The following HADH variants were observed in gnomAD, a reference collection of about 807,000 sequenced individuals.
The protein encoded by HADH is hydroxyacyl-coenzyme A dehydrogenase, mitochondrial.
In HADH, 24 loss-of-function variants were observed where a neutral mutation model predicts 32.2. The ratio of observed to expected loss-of-function variants is 0.75; its 90% CI spans 0.54 to 1.05. The LOEUF is 1.05. Among genes scored for constraint, HADH ranks in the 50% least tolerant of loss-of-function variants. The pLI is 0.00. For missense variants in HADH, 350 were observed against 397.1 expected (o/e 0.88, Z 1.01); for synonymous variants, 139 against 152.5 (o/e 0.91, Z 0.65).
At chr4:108,022,539 C>T (rs1735928971) in intron 4 of HADH, among the ~76,000 whole-genome samples, 1 of 152,116 alleles carries the variant, frequency 6.6e-6, no homozygotes, top group Non-Finnish European at 1.5e-5. Flanking sequence ...GCCTCTAGAG[C>T]ATCTGTGTGG....
At chr4:108,017,646 C>G (rs762206235) in intron 3 of HADH, among the ~76,000 whole-genome samples, 16 of 151,964 alleles carry the variant, frequency 1.1e-4, no homozygotes, top group Admixed American at 3.3e-4. Flanking sequence ...CCTCTGCCCC[C>G]CAGGTTCAAG....
At chr4:108,022,144 G>A (rs1251683035) in intron 4 of HADH, among the ~76,000 whole-genome samples, 3 of 147,114 alleles carry the variant, frequency 2.0e-5, no homozygotes, top group Admixed American at 6.7e-5. Flanking sequence ...TTCTTTACTG[G>A]CCTTTACATT....
intron 4 of HADH, among the ~76,000 whole-genome samples, chr4:108,022,179 G>GTA (rs1735907559): frequency 6.7e-6 from 1 of 148,682 alleles, no homozygotes; most frequent in Non-Finnish European, 1.5e-5. Context: ...GTGTGTGTGT[G>GTA]TGTGTGTGTA....
At chr4:107,995,642 A>T (rs140885988) in intron 1 of HADH, among the ~76,000 whole-genome samples, 1 of 152,332 alleles carries the variant, frequency 6.6e-6, no homozygotes, top group African/African-American at 2.4e-5. Context: ...ATTTAATTTC[A>T]TGTGACCATT....
chr4:108,032,188 A>G, intron 6 of HADH: 1 of 539,292 alleles, frequency 1.9e-6, no homozygotes. Context: ...CTAGATAGCC[A>G]CCTGTTGCAG....
At chr4:108,006,836 T>C (rs1201402976) in intron 1 of HADH, among the ~76,000 whole-genome samples, 3 of 152,302 alleles carry the variant, frequency 2.0e-5, no homozygotes, top group Admixed American at 2.0e-4. Flanking sequence ...TTACTGTGAC[T>C]TTAATTTGAT....
chr4:108,001,635 T>G (rs1228917175), intron 1 of HADH, among the ~76,000 whole-genome samples: 1 of 152,070 alleles, frequency 6.6e-6, no homozygotes, highest in Middle Eastern at 3.2e-3. Context: ...TAGTACCAAA[T>G]CCTATACATA....
chr4:108,009,964 G>GCTTT (rs1411528622), intron 2 of HADH, 77 bp downstream of exon 2: 62 of 897,732 alleles, frequency 6.9e-5, no homozygotes, highest in Middle Eastern at 2.3e-4. Flanking sequence ...GGGATTTCTG[G>GCTTT]CTTTCTTTCT....
intron 1 of HADH, chr4:108,005,266 A>C (rs1196233494): frequency 5.7e-6 from 1 of 175,618 alleles, no homozygotes; most frequent in African/African-American, 2.4e-5. Flanking sequence ...TGAATGTTTC[A>C]TCACTAACGA....
In HADH at chr4:108,008,624, A is replaced by G. The variant is rs1446714532; in HGVS notation, c.133-1135A>G. Among the ~76,000 whole-genome samples the G allele has an allele frequency of 3.3e-5, 5 of 152,146 alleles. No individual in the cohort carries two copies. The East Asian group carries it at 9.7e-4, about 29-fold the overall frequency. On this transcript the variant is annotated intron_variant, in intron 1 of 7. Coordinates refer to ENST00000309522, the MANE Select transcript of HADH (RefSeq NM_005327.7). ...ACCATGGTTTGGGACTATTTCTGTCATCTCCTTGTTCTTCTCTGGGCAAGT... is the reference window on the plus strand; with the variant it reads ...ACCATGGTTTGGGACTATTTCTGTCGTCTCCTTGTTCTTCTCTGGGCAAGT...
In HADH at chr4:108,034,233, C is replaced by T. The variant is rs1560741926; in HGVS notation, c.827-6C>T. The T allele has an allele frequency of 1.3e-6, 2 of 1,561,868 alleles. No individual in the cohort carries two copies. The highest frequency in any genetic ancestry group is 1.1e-5 in the South Asian group (1 of 89,966). ...CATCCTGAGTTCTCTTCCCTCCGCT[C>T]AATAGGGTGGCATGAAATGGATGCA... is the stretch of plus-strand genomic sequence containing the variant. On this transcript the variant is annotated splice_polypyrimidine_tract_variant and splice_region_variant and intron_variant, in intron 7 of 7. Coordinates refer to ENST00000309522, the MANE Select transcript of HADH (RefSeq NM_005327.7).
intron 1 of HADH, among the ~76,000 whole-genome samples, chr4:107,992,403 C>T (rs374208577): frequency 3.3e-5 from 5 of 152,218 alleles, no homozygotes; most frequent in African/African-American, 1.2e-4. Context: ...AGTGGTTTAG[C>T]TTATCTGCTT....
chr4:108,004,851 GAT>G, intron 1 of HADH: 1 of 1,535,860 alleles, frequency 6.5e-7, no homozygotes, highest in African/African-American at 1.4e-5. Context: ...ACCCTGCGGA[GAT>G]GTTAAGGGTT....
chr4:108,026,943 T>G (rs937888148), intron 5 of HADH: 1 of 152,686 alleles, frequency 6.5e-6, no homozygotes, highest in Non-Finnish European at 1.5e-5. Context: ...TATTGTTAGT[T>G]ACTGAGAAGG....
At chr4:108,018,010 G>T (rs552878449) in intron 3 of HADH, among the ~76,000 whole-genome samples, 1 of 152,158 alleles carries the variant, frequency 6.6e-6, no homozygotes, top group Admixed American at 6.5e-5. Context: ...GATAAAATGT[G>T]CCAGAGTGCC....
In HADH at chr4:108,033,176, G is replaced by A. The variant is rs555557385; in HGVS notation, c.710G>A (p.Gly237Asp). The change falls in exon 7 of 8, where the codon GGT becomes GAT. Residue 237 changes from glycine (G) to aspartate (D), a missense_variant and splice_region_variant. Transcript: ENST00000309522. ...LMEAIRLYER[G>D]DASKEDIDTA... The stretch of plus-strand genomic sequence containing the variant: ...CCCAGTGCTGCCGTTTTCTCCTTAG[G>A]TGACGCATCCAAAGAAGACATTGAC... The A allele has an allele frequency of 9.1e-6, 14 of 1,537,112 alleles. No homozygotes were observed. The highest frequency in any genetic ancestry group is 1.4e-5 in the African/African-American group (1 of 73,350).
chr4:107,997,759 T>C (rs1043630043), intron 1 of HADH, among the ~76,000 whole-genome samples: 2 of 152,130 alleles, frequency 1.3e-5, no homozygotes, highest in African/African-American at 4.8e-5. Context: ...TAAATTGTGG[T>C]CACTCAAACT....
chr4:108,028,663 C>T (rs1736145432), intron 6 of HADH: 1 of 391,108 alleles, frequency 2.6e-6, no homozygotes, highest in Non-Finnish European at 4.5e-6. Context: ...ACCAACAGTT[C>T]TGGTTTATCT....
intron 4 of HADH, among the ~76,000 whole-genome samples, chr4:108,021,332 G>T (rs900401604): frequency 2.0e-4 from 31 of 152,192 alleles, no homozygotes; most frequent in Admixed American, 1.6e-3. Flanking sequence ...TGGAAATGTA[G>T]TGTGTTGGTT....
Sources: gnomAD v4.1 joint callset for allele counts (sites outside exome capture counted in the v4.1 genomes callset) on GRCh38, gnomAD v4.1.1 for gene constraint, MANE v1.5 for transcripts, NCBI Gene and HGNC (gene_info 2026-07-23, HGNC 2026-07-21) for gene names.